Variants in MCTP2 observed in about 807,000 individuals in gnomAD.
MCTP2 encodes multiple C2 and transmembrane domain containing 2.
MCTP2 carries 132 observed loss-of-function variants against 111.6 expected under a neutral mutation model. The ratio of observed to expected loss-of-function variants is 1.18; its 90% CI spans 1.03 to 1.37. MCTP2 has a LOEUF of 1.37. Ranked by LOEUF, MCTP2 falls within the 40% of genes most tolerant of loss-of-function variation. The pLI, the probability that MCTP2 is intolerant of heterozygous loss-of-function variation, is 0.00. For synonymous variants in MCTP2, 395 were observed against 387.7 expected, an observed-to-expected ratio of 1.02 and a Z score of -0.22; for missense variants, 1,183 against 1,067.9, an observed-to-expected ratio of 1.11 and a Z score of -1.50.
chr15:94,361,366 G>C (rs1321165583), intron 10 of MCTP2, among the ~76,000 whole-genome samples: 1 of 152,084 alleles, frequency 6.6e-6, no homozygotes, highest in Non-Finnish European at 1.5e-5. Flanking sequence ...AGTTCAGTGG[G>C]AGGGAAGGAA....
intron 1 of MCTP2, among the ~76,000 whole-genome samples, chr15:94,258,722 C>A (rs371970694): frequency 6.6e-6 from 1 of 152,144 alleles, no homozygotes; most frequent in East Asian, 1.9e-4. Flanking sequence ...CCTGATTCTT[C>A]TTTCTAAAAG....
chr15:94,263,622 C>T (rs1366182900), intron 1 of MCTP2, among the ~76,000 whole-genome samples: 1 of 152,156 alleles, frequency 6.6e-6, no homozygotes, highest in Non-Finnish European at 1.5e-5. Flanking sequence ...TGCTAGGGAA[C>T]CATTTTAAAC....
chr15:94,402,379 C>A, intron 17 of MCTP2: 3 of 1,495,050 alleles, frequency 2.0e-6, no homozygotes, highest in Non-Finnish European at 2.7e-6. Context: ...CTGAATTGTT[C>A]AATTTACATT....
rs116658748 is a variant in MCTP2 at position 94,406,831 on chromosome 15, T to A, written c.2085+4812T>A. ...AACAGAAAACAACTAGTGGAAGGGA[T>A]CATGGAAGGCATTGGACTTTTCAGT... On this transcript the variant is annotated intron_variant, in intron 17 of 22. Transcript: ENST00000357742. Among the ~76,000 whole-genome samples the A allele has an allele frequency of 5.9e-3, 893 of 150,352 alleles. 8 individuals are homozygous for A. The highest frequency in any genetic ancestry group is 0.021 in the African/African-American group (858 of 41,002).
intron 8 of MCTP2, among the ~76,000 whole-genome samples, chr15:94,348,365 C>G (rs75424416): frequency 0.12 from 14,572 of 117,220 alleles, 1,601 homozygotes; most frequent in East Asian, 0.25. Context: ...CTCTCCATCC[C>G]CCTTCTCTCT....
In MCTP2 at chr15:94,298,621, A is replaced by G; in HGVS notation, c.356A>G (p.Asp119Gly). Reference protein sequence around the residue: ...EASHLHVVETDSEEAYASPAE... With the variant: ...EASHLHVVETGSEEAYASPAE... ...AGTCACCTCCATGTGGTGGAAACAG[A>G]CTCAGAGGAGGCCTATGCCTCTCCT... The change falls in exon 2 of 23, where the codon GAC becomes GGC. Residue 119 changes from aspartate to glycine, a missense_variant. Coordinates refer to ENST00000357742, the MANE Select transcript of MCTP2 (RefSeq NM_001385001.1). 1 of 1,614,052 alleles carries G rather than the reference A, an allele frequency of 6.2e-7. No individual in the cohort carries two copies. The highest frequency in any genetic ancestry group is 1.7e-5 in the Admixed American group (1 of 60,028).
chr15:94,440,387 C>A, intron 18 of MCTP2, 89 bp downstream of exon 18: 1 of 1,552,546 alleles, frequency 6.4e-7, no homozygotes, highest in East Asian at 2.2e-5. Flanking sequence ...GGCCCAAGTC[C>A]ATTTCGTTTG....
At chr15:94,294,806 A>T (rs2075183199) in intron 1 of MCTP2, among the ~76,000 whole-genome samples, 1 of 152,150 alleles carries the variant, frequency 6.6e-6, no homozygotes, top group Non-Finnish European at 1.5e-5. Context: ...TCTGCACAGT[A>T]ACACCAGGGA....
At chr15:94,276,134 G>A (rs192154203) in intron 1 of MCTP2, among the ~76,000 whole-genome samples, 520 of 152,154 alleles carry the variant, frequency 3.4e-3, no homozygotes, top group Non-Finnish European at 5.4e-3. Context: ...GTGAGCCACC[G>A]TGCCTGGCCT....
chr15:94,464,257 T>TTATATATATATATATATATATATTA (rs1555481313), intron 20 of MCTP2, among the ~76,000 whole-genome samples: 2 of 44,966 alleles, frequency 4.4e-5, no homozygotes, highest in Admixed American at 2.6e-4. Context: ...TATATATATA[T>TTATATATATATATATATATATATTA]TATATATATA....
chr15:94,282,183 T>C (rs2074520874), intron 1 of MCTP2, among the ~76,000 whole-genome samples: 1 of 152,226 alleles, frequency 6.6e-6, no homozygotes, highest in Non-Finnish European at 1.5e-5. Flanking sequence ...GGAATGCCAG[T>C]GAGTGATAGG....
chr15:94,427,795 G>A (rs1258705691), intron 17 of MCTP2, among the ~76,000 whole-genome samples: 1 of 152,104 alleles, frequency 6.6e-6, no homozygotes, highest in Non-Finnish European at 1.5e-5. Flanking sequence ...TAGAGGCCTT[G>A]ATTATTCTCA....
At chr15:94,245,750 G>T (rs1455342743) in intron 1 of MCTP2, among the ~76,000 whole-genome samples, 1 of 149,026 alleles carries the variant, frequency 6.7e-6, no homozygotes, top group African/African-American at 2.5e-5. Flanking sequence ...ATAGACAAAA[G>T]AGTACCTTTG....
intron 10 of MCTP2, among the ~76,000 whole-genome samples, chr15:94,366,243 T>C (rs2079179388): frequency 6.6e-6 from 1 of 152,212 alleles, no homozygotes; most frequent in Non-Finnish European, 1.5e-5. Flanking sequence ...AATACTTTTT[T>C]TGTAATTTGT....
chr15:94,339,487 T>C, intron 5 of MCTP2, 55 bp downstream of exon 5: 1 of 1,466,738 alleles, frequency 6.8e-7, no homozygotes, highest in Non-Finnish European at 9.2e-7. Flanking sequence ...TTCTCAGCAG[T>C]TTCTCATGTC....
intron 4 of MCTP2, among the ~76,000 whole-genome samples, chr15:94,332,543 A>G (rs2077177282): frequency 6.6e-6 from 1 of 152,182 alleles, no homozygotes; most frequent in Admixed American, 6.6e-5. Context: ...AGAGCTAGTA[A>G]ATAATTGTTG....
intron 17 of MCTP2, among the ~76,000 whole-genome samples, chr15:94,439,501 G>A (rs1425706183): frequency 6.6e-6 from 1 of 152,038 alleles, no homozygotes; most frequent in Non-Finnish European, 1.5e-5. Context: ...ATCCTAATTA[G>A]TGTGTTTCTT....
intron 1 of MCTP2, among the ~76,000 whole-genome samples, chr15:94,266,084 A>G (rs1046750821): frequency 1.3e-5 from 2 of 151,368 alleles, no homozygotes; most frequent in Admixed American, 6.6e-5. Flanking sequence ...GTGCGCGCAC[A>G]CACACACACA....
chr15:94,334,446 TTAA>T (rs369114277), intron 4 of MCTP2, among the ~76,000 whole-genome samples: 29 of 152,322 alleles, frequency 1.9e-4, no homozygotes, highest in African/African-American at 7.0e-4. Context: ...TTGGAGAAAT[TTAA>T]TAATATACTC....
Sources: allele counts gnomAD v4.1 joint callset (sites outside exome capture counted in the v4.1 genomes callset), GRCh38; gene constraint gnomAD v4.1.1; transcripts MANE v1.5; gene names NCBI Gene and HGNC (gene_info 2026-07-23, HGNC 2026-07-21).